The following ATG16L2 variants were observed in gnomAD, a reference collection of about 807,000 sequenced individuals.
ATG16L2 encodes the protein autophagy related 16 like 2.
ATG16L2 carries 77 observed loss-of-function variants against 84.7 expected under a neutral mutation model. The observed-to-expected ratio is 0.91, with a 90% CI of 0.76 to 1.10. ATG16L2 has a LOEUF of 1.10. Ranked by LOEUF, ATG16L2 falls within the 50% of genes least tolerant of loss-of-function variation. The pLI is 0.00. For synonymous variants in ATG16L2, 361 were observed against 342.8 expected (o/e 1.05, Z -0.59); for missense variants, 782 against 817.6 (o/e 0.96, Z 0.53).
At chr11:72,816,675 G>T in intron 1 of ATG16L2, 53 bp from the exon 2 acceptor site, 1 of 1,432,722 alleles carries the variant, frequency 7.0e-7, no homozygotes, top group Non-Finnish European at 9.8e-7. Flanking sequence ...TGCATGCCAG[G>T]GGGCTGCTGG....
chr11:72,815,501 C>A (rs1170973885), intron 1 of ATG16L2, among the ~76,000 whole-genome samples: 1 of 152,094 alleles, frequency 6.6e-6, no homozygotes, highest in African/African-American at 2.4e-5. Flanking sequence ...TCACCGCCCC[C>A]CCAACCCCTG....
In ATG16L2 at chr11:72,822,074, G is replaced by T; in HGVS notation, c.423G>T (p.Gln141His). ...RLAALEARVA[Q>H]LREARAQQAQ... ...CAGCCCTGGAGGCCCGCGTGGCGCAGCTGCGAGAGGCGCGGGCGCAGCAGG... is the reference window on the plus strand; with the variant it reads ...CAGCCCTGGAGGCCCGCGTGGCGCATCTGCGAGAGGCGCGGGCGCAGCAGG... The change falls in exon 5 of 18, where the codon CAG becomes CAT. Residue 141 changes from glutamine (Q) to histidine (H), a missense_variant. Gln to His is a conservative substitution (Grantham distance 24). Coordinates refer to ENST00000321297, the MANE Select transcript of ATG16L2 (RefSeq NM_033388.2). This position sits in a 1 kb window ranked among gnomAD's most constrained non-coding sequence, Gnocchi z 4.2. 1 of 1,530,430 alleles carries T rather than the reference G, an allele frequency of 6.5e-7. No homozygotes were observed. The highest frequency in any genetic ancestry group is 2.5e-5 in the East Asian group (1 of 40,740). 94.8% of individuals were successfully genotyped at this position (1,530,430 alleles called of 1,614,324 possible). A position where few individuals can be genotyped will look rare whatever the true frequency, so the allele number is the denominator to read the frequency against.
intron 3 of ATG16L2, among the ~76,000 whole-genome samples, chr11:72,820,528 A>C (rs1859929176): frequency 6.6e-6 from 1 of 152,248 alleles, no homozygotes; most frequent in South Asian, 2.1e-4. Flanking sequence ...GGTGGTGATC[A>C]GATTGCTCAG....
exon 6 of ATG16L2, chr11:72,843,193 C>G: frequency 6.2e-7 from 1 of 1,614,008 alleles, no homozygotes; most frequent in Non-Finnish European, 8.5e-7. Context: ...AGTTCTGCTT[C>G]CGTGGAATTG....
rs201617758 is a variant in ATG16L2 at position 72,826,505 on chromosome 11, C to T, written c.1174-13C>T. 9.2e-5 allele frequency: 149 copies of T among 1,613,986 alleles called. No homozygotes were observed. Among genetic ancestry groups the T allele is most frequent in the Non-Finnish European group, 1.1e-4 (131 of 1,180,016 alleles). On this transcript the variant is annotated splice_polypyrimidine_tract_variant and intron_variant, in intron 11 of 17. Transcript: ENST00000321297. ...CGGCTTAGCACCTCTCACTTCCTCT[C>T]CCATTTCTCCAGGGCTACCAGGTTT...
chr11:72,819,269 A>G (rs1018496984), intron 3 of ATG16L2, among the ~76,000 whole-genome samples: 1 of 151,972 alleles, frequency 6.6e-6, no homozygotes, highest in Non-Finnish European at 1.5e-5. Context: ...TGTTGACTCT[A>G]TCTCCAAATC....
intron 13 of ATG16L2, 33 bp downstream of exon 13, chr11:72,826,856 C>T (rs1357132623): frequency 2.1e-5 from 33 of 1,607,500 alleles, no homozygotes; most frequent in Non-Finnish European, 2.8e-5. Flanking sequence ...CCTCTCCTCC[C>T]CACCAGCCAG....
In ATG16L2 at chr11:72,829,472, G is replaced by C; in HGVS notation, c.*82G>C. 6.5e-7 allele frequency: 1 copy of C among 1,529,656 alleles called. No homozygotes were observed. Among genetic ancestry groups the C allele is most frequent in the Non-Finnish European group, 8.8e-7 (1 of 1,137,660 alleles). The allele number at this position is 1,529,656 out of a possible 1,614,324, so 94.8% of individuals were successfully genotyped here. ...GGCGCCATGCAGGGGTTGGGGTTGG[G>C]ACTGGAGCTGGCCTTGGGATTTAAT... On this transcript the variant is annotated 3_prime_UTR_variant, in exon 18 of 18. Transcript: ENST00000321297.
chr11:72,839,463 C>G (rs1239517990), intron 5 of ATG16L2, among the ~76,000 whole-genome samples: 1 of 152,156 alleles, frequency 6.6e-6, no homozygotes, highest in Non-Finnish European at 1.5e-5. Context: ...ACTTAGGAGA[C>G]TTTTGTAATC....
intron 5 of ATG16L2, chr11:72,842,610 C>G (rs1319957820): frequency 6.2e-7 from 1 of 1,613,974 alleles, no homozygotes; most frequent in South Asian, 1.1e-5. Context: ...ACTGTCTCCC[C>G]TCTCAGGTAC....
intron 3 of ATG16L2, chr11:72,821,146 G>A: frequency 1.1e-6 from 1 of 886,400 alleles, no homozygotes; most frequent in Non-Finnish European, 1.4e-6. Context: ...TCTTAGCTAC[G>A]TGACTTTGGG....
chr11:72,826,716 G>C lies in ATG16L2; in HGVS notation c.1259G>C (p.Gly420Ala). The change falls in exon 13 of 18, where the codon GGA (glycine) becomes GCA (alanine). Residue 420 changes from glycine to alanine, a missense_variant. Gly to Ala is a moderately conservative substitution (Grantham distance 60, BLOSUM62 0). Transcript: ENST00000321297. ...GCCGGGGTACAGGAGACACTGTCTGGACACAAGGATAAGGTGACAGCTGCC... is the reference window on the plus strand; with the variant it reads ...GCCGGGGTACAGGAGACACTGTCTGCACACAAGGATAAGGTGACAGCTGCC... ...GEAQSKETLS[G>A]HKDKVTAAKF... is the part of the protein sequence containing the mutation. 2 of 1,614,136 alleles carry C rather than the reference G, an allele frequency of 1.2e-6. No homozygotes were observed. The highest frequency in any genetic ancestry group is 1.7e-6 in the Non-Finnish European group (2 of 1,180,014).
chr11:72,825,178 T>C (rs1860270040), intron 9 of ATG16L2, 124 bp from the exon 10 acceptor site: 1 of 729,502 alleles, frequency 1.4e-6, no homozygotes, highest in East Asian at 2.7e-5. Context: ...ACAGAGAAAC[T>C]GGGGAGGGAG....
rs749635645 is a variant in ATG16L2, at chr11:72,822,409, G to C, written c.645-69G>C. 1.6e-5 allele frequency: 25 copies of C among 1,596,966 alleles called. No homozygotes were observed. Among genetic ancestry groups the C allele is most frequent in the Non-Finnish European group, 2.1e-5 (25 of 1,175,600 alleles). ...GCAGCAGCCGCCCCCTGGAGGAAGG[G>C]ACCGGGTCTAGCCCCGCCTGCGTGC... On this transcript the variant is annotated intron_variant, in intron 5 of 17. Transcript: ENST00000321297. This position sits in a 1 kb window ranked among gnomAD's most constrained non-coding sequence, Gnocchi z 4.2.
exon 6 of ATG16L2, chr11:72,842,896 T>C: frequency 7.4e-7 from 1 of 1,355,756 alleles, no homozygotes; most frequent in Non-Finnish European, 1.0e-6. Context: ...CGGTTGCTTT[T>C]GCAACCACCC....
chr11:72,821,726 A>G lies in ATG16L2; in HGVS notation c.377A>G (p.Gln126Arg), dbSNP rs1322973231. The change falls in exon 4 of 18, where the codon CAG (glutamine) becomes CGG (arginine). Residue 126 changes from glutamine (Q) to arginine (R), a missense_variant. Transcript: ENST00000321297. Reference protein sequence around the residue: ...AALGTLESELQQRQSRLAALE... With the variant: ...AALGTLESELRQRQSRLAALE... ...CTGGGCACGCTGGAGTCGGAGCTGCAGCAGAGGCAAAGCAGGTGAGGCGCG... is the reference window on the plus strand; with the variant it reads ...CTGGGCACGCTGGAGTCGGAGCTGCGGCAGAGGCAAAGCAGGTGAGGCGCG... 1.3e-6 allele frequency: 2 copies of G among 1,537,054 alleles called. No homozygotes were observed. The highest frequency in any genetic ancestry group is 2.4e-5 in the East Asian group (1 of 40,854).
At chr11:72,836,511 A>G (rs1034605135) in intron 5 of ATG16L2, among the ~76,000 whole-genome samples, 1 of 151,608 alleles carries the variant, frequency 6.6e-6, no homozygotes, top group Admixed American at 6.6e-5. Context: ...TTTTTTTCCC[A>G]TGGGAAAAGC....
At chr11:72,838,977 T>C in intron 5 of ATG16L2, 1 of 958,406 alleles carries the variant, frequency 1.0e-6, no homozygotes. Context: ...ATGGGCACCC[T>C]AGGGGTCTCA....
chr11:72,832,071 T>C (rs181484325), downstream of ATG16L2, among the ~76,000 whole-genome samples: 190 of 152,342 alleles, frequency 1.2e-3, no homozygotes, highest in Admixed American at 5.1e-3. Flanking sequence ...GGACGGTTAG[T>C]ATCCCTTGAA....
Sources: gnomAD v4.1 joint callset for allele counts (sites outside exome capture counted in the v4.1 genomes callset) on GRCh38, gnomAD v4.1.1 for gene constraint, Gnocchi (gnomAD v3.1) non-coding constraint, MANE v1.5 for transcripts, NCBI Gene and HGNC (gene_info 2026-07-23, HGNC 2026-07-21) for gene names.